ZNF335: variants seen among roughly 807,000 people sequenced by gnomAD.
ZNF335 encodes the protein zinc finger protein 335, also known as NRC-interacting factor 1.
ZNF335 carries 84 observed loss-of-function variants against 145.6 expected under a neutral mutation model. The ratio of observed to expected loss-of-function variants is 0.58; its 90% CI spans 0.48 to 0.69. The LOEUF is 0.69. ZNF335 is among the 30% of genes least tolerant of loss of function. ZNF335 has a pLI of 0.00. For missense variants in ZNF335, 1,865 were observed against 1,809.7 expected (o/e 1.03, Z -0.55); for synonymous variants, 761 against 717.0 (o/e 1.06, Z -0.98).
chr20:45,967,747 G>T lies in ZNF335; in HGVS notation c.801C>A (p.Arg267=). Residue 267 remains arginine, a synonymous_variant, in exon 5 of 28, where the codon CGC becomes CGA. Coordinates refer to ENST00000322927, the MANE Select transcript of ZNF335 (RefSeq NM_022095.4). ...CTACTGACGCACCTGGACGGAAGTG[G>T]CGTTCCCGCATGTGGCGCAGCAGTG... The part of the protein sequence containing the change: ...KATLLRHMRE[R]HFRPVAAAAA... The T allele has an allele frequency of 6.2e-7, 1 of 1,611,038 alleles. No homozygotes were observed. Among genetic ancestry groups the T allele is most frequent in the Non-Finnish European group, 8.5e-7 (1 of 1,178,382 alleles).
At chr20:45,966,654 G>A (rs1298839541) in intron 6 of ZNF335, among the ~76,000 whole-genome samples, 2 of 150,562 alleles carry the variant, frequency 1.3e-5, no homozygotes, top group African/African-American at 2.4e-5. Flanking sequence ...GGGTTCAAGC[G>A]AATTCTCCTG....
At chr20:45,969,388 T>G in intron 3 of ZNF335, 63 bp downstream of exon 3, 1 of 1,439,676 alleles carries the variant, frequency 6.9e-7, no homozygotes, top group Non-Finnish European at 9.2e-7. Context: ...ACAGCTAGGG[T>G]GGGCACAGCT....
At chr20:45,970,704 G>A (rs1281778621) in intron 2 of ZNF335, among the ~76,000 whole-genome samples, 1 of 151,828 alleles carries the variant, frequency 6.6e-6, no homozygotes, top group Non-Finnish European at 1.5e-5. Context: ...GGCTCAAAGA[G>A]GTCTCCCAGT....
chr20:45,958,662 C>T (rs1173008132), intron 15 of ZNF335, among the ~76,000 whole-genome samples: 1 of 152,238 alleles, frequency 6.6e-6, no homozygotes, highest in African/African-American at 2.4e-5. Context: ...ATTTCTCAGC[C>T]TCCCTTGCAG....
In ZNF335 at chr20:45,949,185, G is replaced by A. The variant is rs751219179; in HGVS notation, c.3886C>T (p.His1296Tyr). ...AGCTCCATACCTGTGACAGCTGAGTGTGCTGCAGCCTCAAGTTGAGCCTGT... is the reference window on the plus strand; with the variant it reads ...AGCTCCATACCTGTGACAGCTGAGTATGCTGCAGCCTCAAGTTGAGCCTGT... ...VTQAQLEAAA[H>Y]SAVTAVADAA... Residue 1296 changes from histidine to tyrosine, a missense_variant, in exon 27 of 28, where the codon CAC becomes TAC. By Grantham distance (83) the His-to-Tyr change is moderately conservative (BLOSUM62 2). Coordinates refer to ENST00000322927, the MANE Select transcript of ZNF335 (RefSeq NM_022095.4). 3.7e-6 allele frequency: 6 copies of A among 1,613,806 alleles called. No homozygotes were observed. The South Asian group carries it at 6.6e-5, about 18-fold the overall frequency.
Position 45,963,531 on chromosome 20 carries a change from G to T in ZNF335, c.1475C>A (p.Pro492His). The change falls in exon 9 of 28, where the codon CCC becomes CAC. Residue 492 changes from proline to histidine, a missense_variant. Physicochemically the swap from Pro to His is moderately conservative, Grantham distance 77. Transcript: ENST00000322927. ...GCACTGCAGGCACTTGAAGAGCTGG[G>T]GATCGCCAGCCTCATGGGAGTTGAC... is the stretch of plus-strand genomic sequence containing the variant. The part of the protein sequence containing the change: ...FHVNSHEAGD[P>H]QLFKCLQCSY... 6.2e-7 allele frequency: 1 copy of T among 1,614,210 alleles called. No individual in the cohort carries two copies. The highest frequency in any genetic ancestry group is 8.5e-7 in the Non-Finnish European group (1 of 1,180,042).
chr20:45,971,699 T>C (rs2084071790), intron 1 of ZNF335: 3 of 985,434 alleles, frequency 3.0e-6, no homozygotes, highest in Non-Finnish European at 3.6e-6. Context: ...CTTGACCCTT[T>C]CCCTCGCCCC....
At chr20:45,950,736 G>A in intron 20 of ZNF335, 141 bp from the exon 21 acceptor site, 1 of 1,138,394 alleles carries the variant, frequency 8.8e-7, no homozygotes, top group African/African-American at 1.5e-5. Context: ...ACAAGAAGCT[G>A]GGTAGAAAGG....
chr20:45,952,408 A>G lies in ZNF335; in HGVS notation c.2928T>C (p.Ser976=). 6.3e-7 allele frequency: 1 copy of G among 1,585,842 alleles called. No homozygotes were observed. The highest frequency in any genetic ancestry group is 8.6e-7 in the Non-Finnish European group (1 of 1,162,772). ...GLPRDGPEPP[S]PAKTHCVGDS... ...CCCCTACGCAGTGGGTCTTGGCTGG[A>G]GATGGGGGCTCAGGGCCGTCTCTGG... Residue 976 remains serine, a synonymous_variant, in exon 20 of 28, where the codon TCT becomes TCC. Transcript: ENST00000322927.
At chr20:45,959,041 C>T (rs1296430421) in intron 15 of ZNF335, among the ~76,000 whole-genome samples, 160 bp downstream of exon 15, 4 of 152,234 alleles carry the variant, frequency 2.6e-5, no homozygotes, top group Admixed American at 2.6e-4. Flanking sequence ...TAGAAAGCCA[C>T]CCTTACTCTA....
chr20:45,957,172 G>C (rs1171893038), intron 17 of ZNF335, among the ~76,000 whole-genome samples: 1 of 152,198 alleles, frequency 6.6e-6, no homozygotes, highest in Admixed American at 6.5e-5. Context: ...CTGATCTAGA[G>C]GAAGCCCTGG....
intron 6 of ZNF335, 100 bp downstream of exon 6, chr20:45,967,394 G>A: frequency 6.3e-7 from 1 of 1,579,986 alleles, no homozygotes. Flanking sequence ...CTGTGGATGT[G>A]TCTGTGCCAA....
At position 45,950,066 on chromosome 20, in the gene ZNF335, G is replaced by T. The variant is rs1366444470; in HGVS notation, c.3491C>A (p.Ala1164Glu). 1 of 1,613,394 alleles carries T rather than the reference G, an allele frequency of 6.2e-7. No homozygotes were observed. Among genetic ancestry groups the T allele is most frequent in the African/African-American group, 1.3e-5 (1 of 74,910 alleles). The stretch of plus-strand genomic sequence containing the variant: ...CAGGACCCCGTGACTGGACTGGAGT[G>T]CAGCTGGGCAGAGAGGAGAGGATGC... ...DDETLATLHTALQSSHGVLGP... is the reference protein window; with the variant it reads ...DDETLATLHTELQSSHGVLGP... The change falls in exon 23 of 28, where the codon GCA becomes GAA. Residue 1164 changes from alanine (A) to glutamate (E), a missense_variant. By Grantham distance (107) the Ala-to-Glu change is moderately radical (BLOSUM62 -1). Transcript: ENST00000322927.
At position 45,953,960 on chromosome 20, in the gene ZNF335, C is replaced by T. The variant is rs1164191104; in HGVS notation, c.2443-12G>A. ...TTCACCACAGCCACCTGCAACGGCA[C>T]CAGGGGGCGGGATGGGAGGCACTGG... On this transcript the variant is annotated splice_polypyrimidine_tract_variant and intron_variant, in intron 17 of 27. Coordinates refer to ENST00000322927, the MANE Select transcript of ZNF335 (RefSeq NM_022095.4). 4 of 1,571,456 alleles carry T rather than the reference C, an allele frequency of 2.5e-6. No homozygotes were observed. The highest frequency in any genetic ancestry group is 3.5e-6 in the Non-Finnish European group (4 of 1,156,740).
At chr20:45,951,935 C>CT (rs1491314239) in intron 20 of ZNF335, among the ~76,000 whole-genome samples, 2 of 152,154 alleles carry the variant, frequency 1.3e-5, no homozygotes, top group Admixed American at 6.5e-5. Flanking sequence ...ACTCGGGACA[C>CT]TGTGTCTGGC....
At chr20:45,970,484 C>T (rs2084038343) in intron 2 of ZNF335, among the ~76,000 whole-genome samples, 1 of 152,194 alleles carries the variant, frequency 6.6e-6, no homozygotes, top group South Asian at 2.1e-4. Context: ...CACAAAAACT[C>T]TATGAGGCAG....
intron 17 of ZNF335, among the ~76,000 whole-genome samples, chr20:45,955,931 G>C (rs935927515): frequency 1.3e-5 from 2 of 152,170 alleles, no homozygotes; most frequent in African/African-American, 4.8e-5. Context: ...CTATAGCTGA[G>C]AACATCCATG....
intron 20 of ZNF335, among the ~76,000 whole-genome samples, chr20:45,951,898 G>T (rs1474744603): frequency 6.6e-6 from 1 of 152,166 alleles, no homozygotes; most frequent in Non-Finnish European, 1.5e-5. Context: ...CAAATGACCT[G>T]CTCTGTGTCC....
In ZNF335 at chr20:45,960,480, G is replaced by A; in HGVS notation, c.1828C>T (p.Leu610Phe). ...TTGGCAACAGCCTGGATGTGCGTGA[G>A]CAGGTGCATTTTGAAGGTGTAGCGC... ...KKRYTFKMHLLTHIQAVANRR... is the reference protein window; with the variant it reads ...KKRYTFKMHLFTHIQAVANRR... The change falls in exon 13 of 28, where the codon CTC becomes TTC. Residue 610 changes from leucine to phenylalanine, a missense_variant. Coordinates refer to ENST00000322927, the MANE Select transcript of ZNF335 (RefSeq NM_022095.4). The A allele has an allele frequency of 1.2e-6, 2 of 1,614,202 alleles. No individual in the cohort carries two copies. The highest frequency in any genetic ancestry group is 1.7e-6 in the Non-Finnish European group (2 of 1,180,032).
Sources: allele counts gnomAD v4.1 joint callset (sites outside exome capture counted in the v4.1 genomes callset), GRCh38; gene constraint gnomAD v4.1.1; transcripts MANE v1.5; gene names NCBI Gene and HGNC (gene_info 2026-07-23, HGNC 2026-07-21).